Variants in LGSN observed in about 807,000 individuals in gnomAD.
LGSN encodes lengsin, lens protein with glutamine synthetase domain.
In LGSN, 21 loss-of-function variants were observed where a neutral mutation model predicts 19.5. The observed-to-expected ratio is 1.07, with a 90% CI of 0.76 to 1.55. The LOEUF (loss-of-function observed/expected upper bound fraction) is 1.55. Among genes scored for constraint, LGSN ranks in the 40% most tolerant of loss-of-function variants. The pLI, the probability that LGSN is intolerant of heterozygous loss-of-function variation, is 0.00. For missense variants in LGSN, 673 were observed against 608.5 expected, an observed-to-expected ratio of 1.11 and a Z score of -1.12; for synonymous variants, 257 against 215.6, an observed-to-expected ratio of 1.19 and a Z score of -1.68.
At chr6:63,328,902 G>T in the LGSN span, among the ~76,000 whole-genome samples, 1 of 152,178 alleles carries the variant, frequency 6.6e-6, no homozygotes, top group Non-Finnish European at 1.5e-5. Context: ...GTAATTCCAA[G>T]GAACCCCTTC....
the LGSN span, among the ~76,000 whole-genome samples, chr6:63,554,862 T>C: frequency 6.6e-6 from 1 of 152,224 alleles, no homozygotes; most frequent in African/African-American, 2.4e-5. Context: ...ATCTTACTCT[T>C]ATTTATGTTT....
the LGSN span, among the ~76,000 whole-genome samples, chr6:63,497,610 A>T: frequency 6.6e-6 from 1 of 152,054 alleles, no homozygotes; most frequent in Non-Finnish European, 1.5e-5. Context: ...CACTAAGAGA[A>T]AGTTGGCATA....
the LGSN span, among the ~76,000 whole-genome samples, chr6:63,551,140 A>G: frequency 6.6e-6 from 1 of 152,088 alleles, no homozygotes; most frequent in Non-Finnish European, 1.5e-5. Flanking sequence ...ATCTCTGCTC[A>G]CTGCAACCTC....
chr6:63,407,404 T>C, the LGSN span, among the ~76,000 whole-genome samples: 4 of 152,274 alleles, frequency 2.6e-5, no homozygotes, highest in South Asian at 4.1e-4. Context: ...TAATCCAGCA[T>C]ATAAACAGAA....
At chr6:63,288,362 C>G (rs796206238) in intron 2 of LGSN, among the ~76,000 whole-genome samples, 86 of 151,610 alleles carry the variant, frequency 5.7e-4, no homozygotes, top group African/African-American at 2.1e-3. Context: ...CAGAAAGAGC[C>G]CTACCCTCAT....
the LGSN span, among the ~76,000 whole-genome samples, chr6:63,497,435 G>A: frequency 1.3e-5 from 2 of 152,074 alleles, no homozygotes; most frequent in East Asian, 1.9e-4. Context: ...TGTAATCCCC[G>A]CTATTCAGGA....
At chr6:63,358,390 G>A in the LGSN span, among the ~76,000 whole-genome samples, 1 of 152,172 alleles carries the variant, frequency 6.6e-6, no homozygotes, top group Non-Finnish European at 1.5e-5. Context: ...TAGCTTGATG[G>A]GGATGGCATT....
At chr6:63,494,101 CA>C in the LGSN span, among the ~76,000 whole-genome samples, 1 of 152,022 alleles carries the variant, frequency 6.6e-6, no homozygotes, top group African/African-American at 2.4e-5. Context: ...AGGCATGTGC[CA>C]CCGTGTCCGG....
the LGSN span, among the ~76,000 whole-genome samples, chr6:63,554,971 C>T: frequency 6.6e-6 from 1 of 152,140 alleles, no homozygotes; most frequent in Non-Finnish European, 1.5e-5. Context: ...GCAGCAATGT[C>T]GGAAGTTCTG....
At chr6:63,565,312 T>G in the LGSN span, among the ~76,000 whole-genome samples, 2 of 152,096 alleles carry the variant, frequency 1.3e-5, no homozygotes, top group African/African-American at 2.4e-5. Flanking sequence ...TGAATACACA[T>G]TCTCATTTGA....
the LGSN span, among the ~76,000 whole-genome samples, chr6:63,390,182 T>G: frequency 7.4e-6 from 1 of 134,490 alleles, no homozygotes; most frequent in African/African-American, 2.9e-5. Context: ...CAGGCTGGAG[T>G]GCAGTGGCGC....
At chr6:63,394,078 G>A in the LGSN span, among the ~76,000 whole-genome samples, 2 of 152,278 alleles carry the variant, frequency 1.3e-5, no homozygotes, top group African/African-American at 4.8e-5. Context: ...GACCAGCCTG[G>A]CCAACATGGC....
At chr6:63,300,128 T>C (rs1562013147) in intron 1 of LGSN, among the ~76,000 whole-genome samples, 1 of 152,180 alleles carries the variant, frequency 6.6e-6, no homozygotes, top group Non-Finnish European at 1.5e-5. Flanking sequence ...CCAAGCCCAC[T>C]ATGGCCCTGC....
chr6:63,361,608 T>C, the LGSN span, among the ~76,000 whole-genome samples: 1 of 152,110 alleles, frequency 6.6e-6, no homozygotes, highest in East Asian at 1.9e-4. Context: ...GCTTCCTGGG[T>C]GAGGCAATGC....
the LGSN span, among the ~76,000 whole-genome samples, chr6:63,531,767 A>G: frequency 6.6e-6 from 1 of 152,000 alleles, no homozygotes; most frequent in Non-Finnish European, 1.5e-5. Flanking sequence ...CTGTGATTAC[A>G]GGCATGAACC....
the LGSN span, among the ~76,000 whole-genome samples, chr6:63,449,626 AAAC>A: frequency 1.3e-5 from 2 of 152,202 alleles, no homozygotes; most frequent in Non-Finnish European, 2.9e-5. Context: ...AATTCCTAGA[AAAC>A]AACCAGTCCA....
the LGSN span, among the ~76,000 whole-genome samples, chr6:63,526,963 T>C: frequency 6.6e-6 from 1 of 151,952 alleles, no homozygotes; most frequent in African/African-American, 2.4e-5. Context: ...TCAAAATGAT[T>C]TCAAGTTTAT....
intron 1 of LGSN, among the ~76,000 whole-genome samples, chr6:63,313,929 TAATGA>T (rs1768736729): frequency 6.6e-6 from 1 of 151,996 alleles, no homozygotes; most frequent in African/African-American, 2.4e-5. Flanking sequence ...AATACATGCT[TAATGA>T]AAGGAAACAA....
chr6:63,542,040 T>TGTGTGTGTGTGTGTGTGTGTGC, the LGSN span, among the ~76,000 whole-genome samples: 1 of 151,600 alleles, frequency 6.6e-6, no homozygotes, highest in African/African-American at 2.4e-5. Context: ...TGTGTGTGTG[T>TGTGTGTGTGTGTGTGTGTGTGC]GTGTGTGTGT....
Sources: gnomAD v4.1 joint callset for allele counts (sites outside exome capture counted in the v4.1 genomes callset) on GRCh38, gnomAD v4.1.1 for gene constraint, MANE v1.5 for transcripts, NCBI Gene and HGNC (gene_info 2026-07-23, HGNC 2026-07-21) for gene names.